The following TANC2 variants were observed in gnomAD, a reference collection of about 807,000 sequenced individuals.
TANC2 encodes the protein tetratricopeptide repeat, ankyrin repeat and coiled-coil containing 2.
In TANC2, 26 loss-of-function variants were observed where a neutral mutation model predicts 210.5. The ratio of observed to expected loss-of-function variants is 0.12; its 90% CI spans 0.09 to 0.17. The LOEUF (loss-of-function observed/expected upper bound fraction) is 0.17, where lower values mean the gene tolerates loss of function less well. Ranked by LOEUF, TANC2 falls within the 10% of genes least tolerant of loss-of-function variation. TANC2 has a pLI of 1.00. For synonymous variants in TANC2, 931 were observed against 967.1 expected (o/e 0.96, Z 0.69); for missense variants, 2,129 against 2,608.9 (o/e 0.82, Z 4.01).
chr17:63,277,974 C>T (rs2043936045), intron 9 of TANC2, among the ~76,000 whole-genome samples: 1 of 152,028 alleles, frequency 6.6e-6, no homozygotes, highest in Non-Finnish European at 1.5e-5. Flanking sequence ...GAATTCGAGA[C>T]CAGCCTGGGC....
chr17:63,111,199 C>T (rs1222651006), intron 4 of TANC2, among the ~76,000 whole-genome samples: 1 of 152,056 alleles, frequency 6.6e-6, no homozygotes, highest in Non-Finnish European at 1.5e-5. Context: ...CCTGTAATCC[C>T]AGCTACTCGG....
intron 5 of TANC2, among the ~76,000 whole-genome samples, chr17:63,163,961 G>A (rs2040116831): frequency 6.6e-6 from 1 of 152,094 alleles, no homozygotes; most frequent in South Asian, 2.1e-4. Flanking sequence ...TTGATGAGAG[G>A]AATAATGTTA....
At chr17:63,205,360 A>AAAAAAC (rs2041671898) in intron 7 of TANC2, among the ~76,000 whole-genome samples, 1 of 147,526 alleles carries the variant, frequency 6.8e-6, no homozygotes, top group Non-Finnish European at 1.5e-5. Context: ...AAAAAAAAAA[A>AAAAAAC]AAAAAAAAAA....
intron 2 of TANC2, among the ~76,000 whole-genome samples, chr17:63,016,466 C>G (rs745786180): frequency 6.6e-6 from 1 of 152,142 alleles, no homozygotes; most frequent in African/African-American, 2.4e-5. Context: ...TTTTGTTGGT[C>G]TGTTCTTCCT....
At chr17:63,191,547 C>T (rs1057026348) in intron 5 of TANC2, among the ~76,000 whole-genome samples, 3 of 151,914 alleles carry the variant, frequency 2.0e-5, no homozygotes, top group Admixed American at 6.6e-5. Context: ...ACTGCTACCT[C>T]GGCCTCCTGG....
intron 2 of TANC2, among the ~76,000 whole-genome samples, chr17:63,051,957 A>G (rs763776743): frequency 4.6e-5 from 7 of 152,208 alleles, no homozygotes; most frequent in Non-Finnish European, 1.0e-4. Flanking sequence ...TTATCAAGAC[A>G]TAACCCTGTC....
rs746470464 is a variant in TANC2 at position 63,082,499 on chromosome 17, A to G, written c.139+8485A>G. ...CTGAAAACCTTCACACTATAAACACAGAAGTGGTAAATAATGTAACAAAAT... is the reference window on the plus strand; with the variant it reads ...CTGAAAACCTTCACACTATAAACACGGAAGTGGTAAATAATGTAACAAAAT... On this transcript the variant is annotated intron_variant, in intron 3 of 27. Coordinates refer to ENST00000689528, the Ensembl canonical transcript of TANC2. Among the ~76,000 whole-genome samples, 52 of 152,366 alleles carry G rather than the reference A, an allele frequency of 3.4e-4. 1 individual carries two copies. Among genetic ancestry groups the G allele is most frequent in the South Asian group, 8.3e-4 (4 of 4,832 alleles).
intron 5 of TANC2, among the ~76,000 whole-genome samples, chr17:63,177,022 A>C (rs1227868277): frequency 2.0e-5 from 3 of 151,722 alleles, no homozygotes; most frequent in African/African-American, 7.3e-5. Context: ...CCAGCACTTT[A>C]GGAGGCCGAG....
At chr17:63,087,682 C>CA (rs2144773230) in intron 3 of TANC2, among the ~76,000 whole-genome samples, 1 of 152,266 alleles carries the variant, frequency 6.6e-6, no homozygotes, top group African/African-American at 2.4e-5. Flanking sequence ...AGATAAAACT[C>CA]ACAAAAGATT....
At chr17:63,237,721 CT>C in intron 7 of TANC2, 92 bp from the exon 8 acceptor site, 1 of 1,328,512 alleles carries the variant, frequency 7.5e-7, no homozygotes, top group East Asian at 2.5e-5. Context: ...AAATGGTGTC[CT>C]TTCCCCAATG....
At chr17:63,130,570 A>C (rs1040240449) in intron 4 of TANC2, among the ~76,000 whole-genome samples, 2 of 151,960 alleles carry the variant, frequency 1.3e-5, no homozygotes, top group African/African-American at 4.8e-5. Context: ...CTGTTTTGTT[A>C]ATTCCTTTCC....
At chr17:62,977,949 A>G (rs2032104330) in intron 1 of TANC2, among the ~76,000 whole-genome samples, 1 of 152,148 alleles carries the variant, frequency 6.6e-6, no homozygotes, top group Non-Finnish European at 1.5e-5. Context: ...TAGGGATCAT[A>G]TTATTTATTG....
chr17:63,098,464 A>T (rs1385211383), intron 3 of TANC2, among the ~76,000 whole-genome samples: 93 of 38,234 alleles, frequency 2.4e-3, no homozygotes, highest in African/African-American at 0.013. Flanking sequence ...ACACACACAC[A>T]CACACACACA....
intron 8 of TANC2, among the ~76,000 whole-genome samples, chr17:63,264,648 T>G: frequency 6.6e-6 from 1 of 152,160 alleles, no homozygotes; most frequent in East Asian, 1.9e-4. Context: ...CTTTTTGTGT[T>G]GAGAAACTAC....
rs543900891 is a variant in TANC2, at chr17:63,169,424, A to C, written c.433+18044A>C. 2.0e-4 allele frequency among the ~76,000 whole-genome samples: 30 copies of C among 152,270 alleles called. No individual in the cohort carries two copies. The South Asian group carries it at 6.2e-3, about 32-fold the overall frequency. On this transcript the variant is annotated intron_variant, in intron 5 of 27. Coordinates refer to ENST00000689528, the Ensembl canonical transcript of TANC2. ...TCTCCCTGGTTAACAGATGCTTCCC[A>C]GTGCTGAAGTGGCTCTCTCTAGGCA...
At chr17:63,226,319 CT>C (rs1163717219) in intron 7 of TANC2, among the ~76,000 whole-genome samples, 4 of 152,156 alleles carry the variant, frequency 2.6e-5, no homozygotes, top group Non-Finnish European at 4.4e-5. Flanking sequence ...CCTCAAAAGC[CT>C]TTAATCATGT....
chr17:63,304,984 C>G (rs1203713062), intron 9 of TANC2, among the ~76,000 whole-genome samples: 1 of 152,234 alleles, frequency 6.6e-6, no homozygotes, highest in Non-Finnish European at 1.5e-5. Context: ...CGCCCATCCC[C>G]TGCCCAGGGA....
chr17:63,045,635 CAT>C (rs1231997141), intron 2 of TANC2, among the ~76,000 whole-genome samples: 1 of 151,716 alleles, frequency 6.6e-6, no homozygotes, highest in Non-Finnish European at 1.5e-5. Context: ...CTTTTTTTCT[CAT>C]GTGGAGAAAG....
chr17:63,420,289 G>A lies in TANC2; in HGVS notation c.4559G>A (p.Gly1520Glu), dbSNP rs778412023. 6 of 1,613,710 alleles carry A rather than the reference G, an allele frequency of 3.7e-6. No homozygotes were observed. The highest frequency in any genetic ancestry group is 1.1e-5 in the South Asian group (1 of 91,058). Reference sequence around the variant, plus strand: ...CAGACAGAGGCCCGGCCCAGCCAGGGGCTCCCGGTCATCCAGAGCCCACCC... The same window carrying A: ...CAGACAGAGGCCCGGCCCAGCCAGGAGCTCCCGGTCATCCAGAGCCCACCC... Residue 1520 changes from glycine to glutamate, a missense_variant, in exon 28 of 28, where the codon GGG (glycine) becomes GAG (glutamate). Physicochemically the swap from Gly to Glu is moderately conservative, Grantham distance 98. Around this residue, in one of 5 missense-constraint regions of TANC2, gnomAD observed 584 missense variants for 627.3 expected, o/e 0.93. Transcript: ENST00000689528. The surrounding 1 kb of genome is among the most constrained non-coding windows in gnomAD (Gnocchi z 4.2).
Sources: gnomAD v4.1 joint callset for allele counts (sites outside exome capture counted in the v4.1 genomes callset) on GRCh38, gnomAD v4.1.1 for gene constraint, gnomAD v4.1.1 regional missense constraint, Gnocchi (gnomAD v3.1) non-coding constraint, MANE v1.5 for transcripts, NCBI Gene and HGNC (gene_info 2026-07-23, HGNC 2026-07-21) for gene names.